The following AOAH variants were observed in gnomAD, a reference collection of about 807,000 sequenced individuals.
AOAH encodes the protein acyloxyacyl hydrolase.
AOAH carries 64 observed loss-of-function variants against 92.2 expected under a neutral mutation model. The ratio of observed to expected loss-of-function variants is 0.69; its 90% CI spans 0.57 to 0.86. The LOEUF (loss-of-function observed/expected upper bound fraction) is 0.86. AOAH is among the 40% of genes least tolerant of loss of function. The pLI, the probability that AOAH is intolerant of heterozygous loss-of-function variation, is 0.00. For synonymous variants in AOAH, 263 were observed against 254.5 expected (o/e 1.03, Z -0.32); for missense variants, 656 against 694.6 (o/e 0.94, Z 0.62).
chr7:36,684,611 T>A (rs1420560096), intron 2 of AOAH, among the ~76,000 whole-genome samples: 1 of 152,014 alleles, frequency 6.6e-6, no homozygotes, highest in Non-Finnish European at 1.5e-5. Context: ...CATCGACAGC[T>A]GCGACCATCA....
At chr7:36,583,825 C>T (rs557609937) in intron 12 of AOAH, among the ~76,000 whole-genome samples, 9 of 152,212 alleles carry the variant, frequency 5.9e-5, no homozygotes, top group Non-Finnish European at 1.2e-4. Context: ...GTAGCTCTCT[C>T]CATCCTGGCC....
chr7:36,578,311 T>C (rs1046642112), intron 12 of AOAH, among the ~76,000 whole-genome samples: 3 of 152,038 alleles, frequency 2.0e-5, no homozygotes, highest in African/African-American at 7.2e-5. Flanking sequence ...AAAAGGCCAA[T>C]AAAAGAACTA....
At chr7:36,679,204 T>C (rs1347609876) in intron 2 of AOAH, among the ~76,000 whole-genome samples, 3 of 152,122 alleles carry the variant, frequency 2.0e-5, no homozygotes, top group African/African-American at 7.2e-5. Flanking sequence ...TCTTTTCTAG[T>C]TCTAGATCCC....
chr7:36,627,609 A>AGGATGGCTCCTCGGGAGG (rs1300232595), intron 6 of AOAH, among the ~76,000 whole-genome samples: 1 of 151,998 alleles, frequency 6.6e-6, no homozygotes, highest in Non-Finnish European at 1.5e-5. Flanking sequence ...CCTGATTGCA[A>AGGATGGCTCCTCGGGAGG]GGATGGCTCC....
chr7:36,616,519 T>C, intron 10 of AOAH, 45 bp from the exon 11 acceptor site: 2 of 1,525,132 alleles, frequency 1.3e-6, no homozygotes, highest in Non-Finnish European at 1.8e-6. Flanking sequence ...CTCAAGTAGT[T>C]TGGAACCTCC....
At chr7:36,659,291 G>A (rs778692150) in intron 3 of AOAH, 26 bp from the exon 4 acceptor site, 1 of 1,571,200 alleles carries the variant, frequency 6.4e-7, no homozygotes, top group South Asian at 1.1e-5. Context: ...GCAAAACAAA[G>A]GCTATTCAGA....
intron 2 of AOAH, among the ~76,000 whole-genome samples, chr7:36,684,996 C>T (rs1053758735): frequency 1.1e-4 from 16 of 148,796 alleles, no homozygotes; most frequent in Non-Finnish European, 8.9e-5. Flanking sequence ...ATAAAAGCAC[C>T]TATGGCGGCC....
intron 4 of AOAH, among the ~76,000 whole-genome samples, chr7:36,646,763 A>C (rs1794248137): frequency 6.6e-6 from 1 of 152,154 alleles, no homozygotes; most frequent in Non-Finnish European, 1.5e-5. Flanking sequence ...GGCTCTGAAC[A>C]CTGCCTCTGT....
intron 3 of AOAH, among the ~76,000 whole-genome samples, chr7:36,662,335 T>C (rs1008379049): frequency 2.6e-5 from 4 of 152,198 alleles, no homozygotes; most frequent in African/African-American, 9.6e-5. Flanking sequence ...GCGTTCATCG[T>C]GAAAGTCACC....
intron 16 of AOAH, among the ~76,000 whole-genome samples, chr7:36,533,188 T>A (rs1329388193): frequency 2.6e-5 from 4 of 152,036 alleles, no homozygotes; most frequent in African/African-American, 9.6e-5. Flanking sequence ...GCTGAAGCAA[T>A]TTGACTTTCA....
intron 1 of AOAH, among the ~76,000 whole-genome samples, chr7:36,689,066 G>T (rs1797227932): frequency 6.6e-6 from 1 of 152,146 alleles, no homozygotes; most frequent in South Asian, 2.1e-4. Context: ...GTGGTTGGTT[G>T]CTGGGGGCTC....
chr7:36,602,150 T>C (rs1344431914), intron 11 of AOAH, among the ~76,000 whole-genome samples: 1 of 152,100 alleles, frequency 6.6e-6, no homozygotes, highest in African/African-American at 2.4e-5. Flanking sequence ...AACAATCAAA[T>C]AAAAAATTCT....
At chr7:36,672,912 T>A (rs186088006) in intron 3 of AOAH, among the ~76,000 whole-genome samples, 1 of 152,182 alleles carries the variant, frequency 6.6e-6, no homozygotes, top group African/African-American at 2.4e-5. Context: ...TAATGAATGA[T>A]TTATATTTGT....
chr7:36,545,639 A>G (rs1355802560), intron 15 of AOAH, among the ~76,000 whole-genome samples: 2 of 152,190 alleles, frequency 1.3e-5, no homozygotes, highest in East Asian at 1.9e-4. Flanking sequence ...ATGAAAATGT[A>G]TAATTTATAC....
intron 15 of AOAH, among the ~76,000 whole-genome samples, chr7:36,545,609 G>A (rs1039417915): frequency 6.6e-6 from 1 of 152,128 alleles, no homozygotes; most frequent in East Asian, 1.9e-4. Context: ...TGTGTGGGTG[G>A]TTCTGGCTCT....
intron 3 of AOAH, among the ~76,000 whole-genome samples, chr7:36,666,984 T>A (rs1012604640): frequency 6.6e-6 from 1 of 152,234 alleles, no homozygotes; most frequent in Admixed American, 6.5e-5. Flanking sequence ...CAGAATGTAA[T>A]GTATCTTGGT....
Position 36,690,238 on chromosome 7 carries a change from G to C in AOAH, c.128-3444C>G, listed in dbSNP as rs1224222134. The stretch of plus-strand genomic sequence containing the variant: ...GAAGCAAAAAAAATTATCTGTCTCT[G>C]AACACTGGGTGAGTCTTACCGCTAT... On this transcript the variant is annotated intron_variant, in intron 1 of 20. Transcript: ENST00000617537. The C allele has an allele frequency of 8.9e-6, 4 of 451,090 alleles. No individual in the cohort carries two copies. The East Asian group carries it at 2.8e-4, about 32-fold the overall frequency. 27.9% of individuals were successfully genotyped at this position (451,090 alleles called of 1,614,324 possible). A position where few individuals can be genotyped will look rare whatever the true frequency, so the allele number is the denominator to read the frequency against.
chr7:36,596,859 T>G (rs1790162765), intron 11 of AOAH, among the ~76,000 whole-genome samples: 1 of 152,238 alleles, frequency 6.6e-6, no homozygotes, highest in South Asian at 2.1e-4. Context: ...ATATGCTTGT[T>G]GCTTTTATTA....
intron 4 of AOAH, among the ~76,000 whole-genome samples, chr7:36,639,550 A>G (rs1462952800): frequency 6.6e-6 from 1 of 152,270 alleles, no homozygotes; most frequent in East Asian, 1.9e-4. Context: ...ATAGGCTACC[A>G]GATTTTATGC....
Sources: allele counts gnomAD v4.1 joint callset (sites outside exome capture counted in the v4.1 genomes callset), GRCh38; gene constraint gnomAD v4.1.1; transcripts MANE v1.5; gene names NCBI Gene and HGNC (gene_info 2026-07-23, HGNC 2026-07-21).